Variants in LRMDA observed in about 807,000 individuals in gnomAD.
The protein encoded by LRMDA is leucine-rich melanocyte differentiation-associated protein.
Under a neutral mutation model 29.8 loss-of-function variants are expected in LRMDA, and 18 were observed. That is an observed-to-expected ratio of 0.60 (90% CI 0.42 to 0.90). The LOEUF is 0.90. Ranked by LOEUF, LRMDA falls within the 40% of genes least tolerant of loss-of-function variation. LRMDA has a pLI of 0.00. For missense variants in LRMDA, 273 were observed against 273.9 expected (o/e 1.00, Z 0.02); for synonymous variants, 125 against 109.4 (o/e 1.14, Z -0.89).
At chr10:76,380,777 C>T (rs937935868) in intron 6 of LRMDA, among the ~76,000 whole-genome samples, 3 of 150,450 alleles carry the variant, frequency 2.0e-5, no homozygotes, top group Non-Finnish European at 3.0e-5. Flanking sequence ...TATCAGAGGA[C>T]AGAAACATTA....
intron 6 of LRMDA, among the ~76,000 whole-genome samples, chr10:76,454,424 G>A (rs1356666208): frequency 6.6e-6 from 1 of 152,096 alleles, no homozygotes; most frequent in Non-Finnish European, 1.5e-5. Flanking sequence ...TCACTCCGAG[G>A]CTGCATTATT....
chr10:76,098,622 T>C (rs985923636), intron 5 of LRMDA, among the ~76,000 whole-genome samples: 1 of 152,054 alleles, frequency 6.6e-6, no homozygotes, highest in Non-Finnish European at 1.5e-5. Context: ...TTGTATTGAC[T>C]TTTTTTTAAA....
chr10:76,074,645 T>C (rs1848928890), intron 5 of LRMDA, among the ~76,000 whole-genome samples: 1 of 152,182 alleles, frequency 6.6e-6, no homozygotes, highest in Non-Finnish European at 1.5e-5. Context: ...CTCACTAAAA[T>C]GCCTGGAACC....
At chr10:76,137,061 T>C (rs1001652247) in intron 5 of LRMDA, among the ~76,000 whole-genome samples, 1 of 152,222 alleles carries the variant, frequency 6.6e-6, no homozygotes, top group Non-Finnish European at 1.5e-5. Flanking sequence ...CATGCTTTTG[T>C]TTATGCTGTT....
chr10:76,419,399 TG>T (rs1416189579), intron 6 of LRMDA, among the ~76,000 whole-genome samples: 1 of 152,112 alleles, frequency 6.6e-6, no homozygotes, highest in Non-Finnish European at 1.5e-5. Context: ...GTTTCCTCCA[TG>T]TCATGTTATC....
intron 5 of LRMDA, among the ~76,000 whole-genome samples, chr10:76,250,996 C>T (rs1049129517): frequency 3.3e-5 from 5 of 152,064 alleles, no homozygotes; most frequent in Non-Finnish European, 5.9e-5. Context: ...ATTTCTTTTC[C>T]ATCAGATGGC....
chr10:76,264,174 A>C (rs1839975906), intron 5 of LRMDA, among the ~76,000 whole-genome samples: 1 of 152,078 alleles, frequency 6.6e-6, no homozygotes, highest in African/African-American at 2.4e-5. Flanking sequence ...CGAGACCGGC[A>C]GATCACTTGA....
At chr10:76,136,267 G>A (rs1199641679) in intron 5 of LRMDA, among the ~76,000 whole-genome samples, 1 of 152,160 alleles carries the variant, frequency 6.6e-6, no homozygotes, top group African/African-American at 2.4e-5. Flanking sequence ...TCAGAGTGTG[G>A]CCATTTATAG....
At position 76,352,421 on chromosome 10, in the gene LRMDA, A is replaced by G. The variant is rs570353633; in HGVS notation, c.601+27936A>G. 2.3e-4 allele frequency among the ~76,000 whole-genome samples: 35 copies of G among 152,222 alleles called. 1 individual carries two copies. The South Asian group carries it at 3.1e-3, about 14-fold the overall frequency. On this transcript the variant is annotated intron_variant, in intron 6 of 6. Coordinates refer to ENST00000611255, the MANE Select transcript of LRMDA (RefSeq NM_001305581.2). ...ACTTCAACACAACCACTGCCATACC[A>G]CAACAGCCAATCCAATAGCTGAGAC...
At chr10:75,876,686 C>T (rs1288682450) in intron 2 of LRMDA, among the ~76,000 whole-genome samples, 1 of 152,140 alleles carries the variant, frequency 6.6e-6, no homozygotes, top group Non-Finnish European at 1.5e-5. Flanking sequence ...TCTTGAAGTT[C>T]TCCCTTGGTT....
intron 6 of LRMDA, among the ~76,000 whole-genome samples, chr10:76,368,471 A>T (rs1302118606): frequency 6.6e-6 from 1 of 152,064 alleles, no homozygotes; most frequent in Non-Finnish European, 1.5e-5. Context: ...AGAGTACTTG[A>T]TATAATTTCA....
At chr10:75,475,445 A>G (rs1844779085) in intron 2 of LRMDA, among the ~76,000 whole-genome samples, 1 of 152,098 alleles carries the variant, frequency 6.6e-6, no homozygotes, top group South Asian at 2.1e-4. Flanking sequence ...TTTCCTAACC[A>G]GTGTGTTGAT....
At chr10:75,749,905 G>A (rs1471421090) in intron 2 of LRMDA, among the ~76,000 whole-genome samples, 1 of 152,192 alleles carries the variant, frequency 6.6e-6, no homozygotes, top group Non-Finnish European at 1.5e-5. Context: ...ATTTAACCCT[G>A]AGTGGACACA....
chr10:75,933,228 G>A (rs890309411), intron 2 of LRMDA, among the ~76,000 whole-genome samples: 12 of 152,102 alleles, frequency 7.9e-5, no homozygotes, highest in African/African-American at 2.9e-4. Flanking sequence ...AGGCTACTGG[G>A]ACATCCTAGG....
At chr10:76,510,297 C>T (rs928367234) in intron 6 of LRMDA, among the ~76,000 whole-genome samples, 1 of 152,146 alleles carries the variant, frequency 6.6e-6, no homozygotes, top group African/African-American at 2.4e-5. Context: ...TCTCGAACTC[C>T]TGACCTCAGG....
intron 2 of LRMDA, among the ~76,000 whole-genome samples, chr10:75,957,566 G>A (rs569818718): frequency 5.3e-5 from 8 of 152,344 alleles, no homozygotes; most frequent in African/African-American, 1.9e-4. Context: ...GAGGGAGCAA[G>A]TGTCAGAAAC....
chr10:76,513,638 G>T (rs952954227), intron 6 of LRMDA, among the ~76,000 whole-genome samples: 4 of 152,176 alleles, frequency 2.6e-5, no homozygotes, highest in Non-Finnish European at 5.9e-5. Flanking sequence ...TGAACACCGT[G>T]TCTTTGTTGG....
At chr10:75,539,159 T>G (rs1839986617) in intron 2 of LRMDA, among the ~76,000 whole-genome samples, 3 of 152,238 alleles carry the variant, frequency 2.0e-5, no homozygotes, top group South Asian at 2.1e-4. Flanking sequence ...CCTAAAAGCT[T>G]TCCTTTAAGG....
At chr10:75,594,693 G>T (rs75483319) in intron 2 of LRMDA, among the ~76,000 whole-genome samples, 2,117 of 152,276 alleles carry the variant, frequency 0.014, 41 homozygotes, top group African/African-American at 0.045. Flanking sequence ...TAGTAGGGGG[G>T]ATCCTAGCAT....
Sources: allele counts gnomAD v4.1 joint callset (sites outside exome capture counted in the v4.1 genomes callset), GRCh38; gene constraint gnomAD v4.1.1; transcripts MANE v1.5; gene names NCBI Gene and HGNC (gene_info 2026-07-23, HGNC 2026-07-21).